Variants in CR2 observed in about 807,000 individuals in gnomAD.
CR2 encodes the protein complement C3d receptor 2.
Under a neutral mutation model 123.0 loss-of-function variants are expected in CR2, and 96 were observed. The observed-to-expected ratio is 0.78, with a 90% CI of 0.66 to 0.93. The LOEUF is 0.93. CR2 is among the 40% of genes least tolerant of loss of function. The pLI is 0.00. For missense variants in CR2, 1,258 were observed against 1,361.0 expected (o/e 0.92, Z 1.19); for synonymous variants, 484 against 469.5 (o/e 1.03, Z -0.40).
chr1:207,476,536 T>A (rs1658448366), intron 15 of CR2, 117 bp downstream of exon 15: 2 of 883,544 alleles, frequency 2.3e-6, no homozygotes, highest in South Asian at 3.1e-5. Context: ...TCTGATTACA[T>A]TAAAGGCTTT....
Position 207,476,261 on chromosome 1 carries a change from A to G in CR2, c.2744A>G (p.Lys915Arg), listed in dbSNP as rs778630742. The change falls in exon 15 of 20, where the codon AAG becomes AGG. Residue 915 changes from lysine to arginine, a missense_variant. Lys to Arg is a conservative substitution (Grantham distance 26). Transcript: ENST00000367057. Reference protein sequence around the residue: ...KAFIGCPPPPKTPNGNHTGGN... With the variant: ...KAFIGCPPPPRTPNGNHTGGN... Reference sequence around the variant, plus strand: ...TTCATAGGGTGTCCACCTCCGCCTAAGACCCCTAACGGGAACCATACTGGT... The same window carrying G: ...TTCATAGGGTGTCCACCTCCGCCTAGGACCCCTAACGGGAACCATACTGGT... 1.9e-6 allele frequency: 3 copies of G among 1,613,886 alleles called. No homozygotes were observed. Among genetic ancestry groups the G allele is most frequent in the Non-Finnish European group, 2.5e-6 (3 of 1,179,852 alleles).
intron 1 of CR2, among the ~76,000 whole-genome samples, chr1:207,458,073 C>CACACACACACACACACAT (rs1312434350): frequency 2.0e-5 from 3 of 149,192 alleles, no homozygotes; most frequent in Non-Finnish European, 4.4e-5. Context: ...CACACACACA[C>CACACACACACACACACAT]ACACACACAC....
At position 207,476,280 on chromosome 1, in the gene CR2, T is replaced by C; in HGVS notation, c.2763T>C (p.His921=). The C allele has an allele frequency of 1.9e-6, 3 of 1,613,906 alleles. No homozygotes were observed. The highest frequency in any genetic ancestry group is 2.5e-6 in the Non-Finnish European group (3 of 1,179,880). The stretch of plus-strand genomic sequence containing the variant: ...CGCCTAAGACCCCTAACGGGAACCA[T>C]ACTGGTGGAAACATAGCTCGATTTT... ...PPPPKTPNGN[H]TGGNIARFSP... is the part of the protein sequence containing the mutation. Residue 921 remains histidine (H), a synonymous_variant, in exon 15 of 20, where the codon CAT becomes CAC. Transcript: ENST00000367057.
In CR2 at chr1:207,479,298, CT is replaced by C. The variant is rs1658534233; in HGVS notation, c.3112+20del. ...CCTTTGTGGTAAGTCTTCTTAAATA[CT>C]TGAAGAAAAGCTCTTATAATATTTT... On this transcript the variant is annotated intron_variant, in intron 17 of 19. Transcript: ENST00000367057. 1 of 1,568,212 alleles carries C rather than the reference CT, an allele frequency of 6.4e-7. No individual in the cohort carries two copies. Among genetic ancestry groups the C allele is most frequent in the Admixed American group, 1.7e-5 (1 of 59,882 alleles).
chr1:207,487,858 G>T (rs1558200349), intron 19 of CR2, among the ~76,000 whole-genome samples: 1 of 152,226 alleles, frequency 6.6e-6, no homozygotes, highest in Non-Finnish European at 1.5e-5. Flanking sequence ...ATGAAGGCAG[G>T]TTGGGAGCTG....
intron 19 of CR2, among the ~76,000 whole-genome samples, chr1:207,486,429 C>T (rs570128257): frequency 1.4e-4 from 21 of 151,992 alleles, no homozygotes; most frequent in Middle Eastern, 3.4e-3. Context: ...AGAGGATGAT[C>T]GTACAAAGTC....
In CR2 at chr1:207,466,649, A is replaced by C. The variant is rs779099901; in HGVS notation, c.182A>C (p.Lys61Thr). 1 of 1,614,140 alleles carries C rather than the reference A, an allele frequency of 6.2e-7. No individual in the cohort carries two copies. The change falls in exon 2 of 20, where the codon AAA becomes ACA. Residue 61 changes from lysine to threonine, a missense_variant. Physicochemically the swap from Lys to Thr is moderately conservative, Grantham distance 78. Coordinates refer to ENST00000367057, the MANE Select transcript of CR2 (RefSeq NM_001006658.3). The stretch of plus-strand genomic sequence containing the variant: ...GGTACCTTCCGCCTCATTGGAGAAA[A>C]AAGTCTATTATGCATAACTAAAGAC... ...CSGTFRLIGEKSLLCITKDKV... is the reference protein window; with the variant it reads ...CSGTFRLIGETSLLCITKDKV...
rs748825235 is a variant in CR2 at position 207,470,037 on chromosome 1, G to A, written c.1160G>A (p.Gly387Asp). 2 of 1,613,950 alleles carry A rather than the reference G, an allele frequency of 1.2e-6. No homozygotes were observed. Among genetic ancestry groups the A allele is most frequent in the East Asian group, 2.2e-5 (1 of 44,880 alleles). ...TGCATGTTTGGCTTCACCTTGAAGGGCAGCAAGCAAATCCGATGCAATGCC... is the reference window on the plus strand; with the variant it reads ...TGCATGTTTGGCTTCACCTTGAAGGACAGCAAGCAAATCCGATGCAATGCC... ...FACMFGFTLKGSKQIRCNAQG... is the reference protein window; with the variant it reads ...FACMFGFTLKDSKQIRCNAQG... The change falls in exon 6 of 20, where the codon GGC (glycine) becomes GAC (aspartate). Residue 387 changes from glycine to aspartate, a missense_variant. Physicochemically the swap from Gly to Asp is moderately conservative, Grantham distance 94. Coordinates refer to ENST00000367057, the MANE Select transcript of CR2 (RefSeq NM_001006658.3).
chr1:207,454,854 G>A lies in CR2; in HGVS notation c.58+378G>A. 4.8e-6 allele frequency: 1 copy of A among 209,796 alleles called. No homozygotes were observed. The highest frequency in any genetic ancestry group is 9.6e-6 in the Non-Finnish European group (1 of 104,158). 13.0% of individuals were successfully genotyped at this position (209,796 alleles called of 1,614,324 possible). On this transcript the variant is annotated intron_variant, in intron 1 of 19. Transcript: ENST00000367057. The surrounding 1 kb of genome is among the most constrained non-coding windows in gnomAD (Gnocchi z 4.3). The stretch of plus-strand genomic sequence containing the variant: ...GCTCGCCACGGGAAACCTACCCACT[G>A]CATGAGGCACCAGCTAGCCACGTGA...
At chr1:207,481,477 C>G (rs1658600978) in intron 18 of CR2, among the ~76,000 whole-genome samples, 2 of 152,142 alleles carry the variant, frequency 1.3e-5, no homozygotes, top group East Asian at 3.9e-4. Flanking sequence ...TCCCCCTCTT[C>G]AAAACTATTT....
rs916127488 is a variant in CR2, at chr1:207,454,594, T to C, written c.58+118T>C. 7.8e-6 allele frequency: 6 copies of C among 764,540 alleles called. No homozygotes were observed. In the African/African-American group the frequency reaches 1.1e-4, roughly 14 times the overall value. 47.4% of individuals were successfully genotyped at this position (764,540 alleles called of 1,614,324 possible). A position where few individuals can be genotyped will look rare whatever the true frequency, so the allele number is the denominator to read the frequency against. On this transcript the variant is annotated intron_variant, in intron 1 of 19. Coordinates refer to ENST00000367057, the MANE Select transcript of CR2 (RefSeq NM_001006658.3). This position sits in a 1 kb window ranked among gnomAD's most constrained non-coding sequence, Gnocchi z 4.3. ...CGGTGGGGGCAGTGCTCGACGCGTG[T>C]CCGCCTCCCGCTAGCTTTGAGGGAC...
chr1:207,470,974 C>A (rs770469733), intron 7 of CR2, 23 bp from the exon 8 acceptor site: 1 of 1,613,824 alleles, frequency 6.2e-7, no homozygotes, highest in South Asian at 1.1e-5. Context: ...GAATTAAATT[C>A]TCATCCTAGT....
In CR2 at chr1:207,472,889, GA is replaced by G; in HGVS notation, c.1689del (p.Val564TrpfsTer63). ...TYTCNPGPER[G>X]VEFSLIGEST... ...ACATGTAACCCTGGGCCAGAAAGAGGAGTGGAATTCAGCCTCATTGGAGAGA... is the reference window on the plus strand; with the variant it reads ...ACATGTAACCCTGGGCCAGAAAGAGGGTGGAATTCAGCCTCATTGGAGAGA... On this transcript the variant is annotated frameshift_variant, in exon 10 of 20. Transcript: ENST00000367057. LOFTEE classifies it high-confidence loss of function. The G allele has an allele frequency of 1.2e-6, 2 of 1,614,056 alleles. No homozygotes were observed. The highest frequency in any genetic ancestry group is 2.2e-5 in the South Asian group (2 of 91,088).
At chr1:207,465,414 T>C (rs1363115171) in intron 1 of CR2, among the ~76,000 whole-genome samples, 4 of 152,264 alleles carry the variant, frequency 2.6e-5, no homozygotes, top group East Asian at 1.9e-4. Flanking sequence ...CATACATATA[T>C]ATATATATAA....
intron 10 of CR2, 141 bp downstream of exon 10, chr1:207,473,320 C>T: frequency 8.7e-7 from 1 of 1,146,064 alleles, no homozygotes; most frequent in Non-Finnish European, 1.3e-6. Flanking sequence ...AATAGATGTT[C>T]TCTGTGTTGT....
At chr1:207,465,496 C>T (rs1658074648) in intron 1 of CR2, among the ~76,000 whole-genome samples, 1 of 152,014 alleles carries the variant, frequency 6.6e-6, no homozygotes, top group South Asian at 2.1e-4. Flanking sequence ...GGAATGCAGA[C>T]CAAAGATGTT....
At chr1:207,482,940 G>T (rs1157612131) in intron 18 of CR2, among the ~76,000 whole-genome samples, 1 of 151,022 alleles carries the variant, frequency 6.6e-6, no homozygotes, top group Non-Finnish European at 1.5e-5. Context: ...CATAGCTTTA[G>T]GTGGAGACAT....
intron 4 of CR2, 24 bp downstream of exon 4, chr1:207,468,923 G>C (rs759698195): frequency 6.2e-7 from 1 of 1,608,598 alleles, no homozygotes; most frequent in Non-Finnish European, 8.5e-7. Context: ...TTATTTATGA[G>C]ATTTAATTCA....
intron 14 of CR2, among the ~76,000 whole-genome samples, chr1:207,475,984 T>G (rs1447100078): frequency 2.6e-5 from 4 of 152,222 alleles, no homozygotes; most frequent in African/African-American, 9.6e-5. Context: ...TGGATTACCA[T>G]TGTGAACTGT....
Sources: gnomAD v4.1 joint callset for allele counts (sites outside exome capture counted in the v4.1 genomes callset) on GRCh38, gnomAD v4.1.1 for gene constraint, Gnocchi (gnomAD v3.1) non-coding constraint, MANE v1.5 for transcripts, NCBI Gene and HGNC (gene_info 2026-07-23, HGNC 2026-07-21) for gene names.